Variants in ST6GALNAC2 observed in about 807,000 individuals in gnomAD.
The protein encoded by ST6GALNAC2 is ST6 N-acetylgalactosaminide alpha-2,6-sialyltransferase 2.
A neutral mutation model predicts 38.7 loss-of-function variants in ST6GALNAC2; 42 were observed. That is an observed-to-expected ratio of 1.09 (90% CI 0.85 to 1.40). The LOEUF is 1.40. Among genes scored for constraint, ST6GALNAC2 ranks in the 40% most tolerant of loss-of-function variants. The pLI is 0.00. For missense variants in ST6GALNAC2, 506 were observed against 481.7 expected, an observed-to-expected ratio of 1.05 and a Z score of -0.47; for synonymous variants, 233 against 209.0, an observed-to-expected ratio of 1.11 and a Z score of -0.99.
Position 76,566,176 on chromosome 17 carries a change from G to C in ST6GALNAC2, c.1053C>G (p.His351Gln), listed in dbSNP as rs549538193. Residue 351 changes from histidine to glutamine, a missense_variant, in exon 9 of 9, where the codon CAC becomes CAG. Coordinates refer to ENST00000225276, the MANE Select transcript of ST6GALNAC2 (RefSeq NM_006456.3). ...ACAGGGCAGCTTCCAGGGACAGATC[G>C]TGGTTTGCATAAAATATCAATGGCT... The part of the protein sequence containing the change: ...KMKPLIFYAN[H>Q]DLSLEAALWR... 2 of 1,614,010 alleles carry C rather than the reference G, an allele frequency of 1.2e-6. No individual in the cohort carries two copies. The highest frequency in any genetic ancestry group is 1.3e-5 in the African/African-American group (1 of 74,930).
In ST6GALNAC2 at chr17:76,570,276, C is replaced by G. The variant is rs537518450; in HGVS notation, c.773+289G>C. 66 of 418,496 alleles carry G rather than the reference C, an allele frequency of 1.6e-4. No homozygotes were observed. The East Asian group carries it at 2.7e-3, about 17-fold the overall frequency. 25.9% of individuals were successfully genotyped at this position (418,496 alleles called of 1,614,324 possible). A position where few individuals can be genotyped will look rare whatever the true frequency, so the allele number is the denominator to read the frequency against. On this transcript the variant is annotated intron_variant, in intron 6 of 8. Coordinates refer to ENST00000225276, the MANE Select transcript of ST6GALNAC2 (RefSeq NM_006456.3). The stretch of plus-strand genomic sequence containing the variant: ...TGCAGCCCAAAGCCGAGAAGCCAGA[C>G]CTGCTCACCCCATTCAGAAGAGCTG...
chr17:76,578,879 G>A, intron 1 of ST6GALNAC2, 63 bp from the exon 2 acceptor site: 4 of 1,484,768 alleles, frequency 2.7e-6, no homozygotes, highest in Non-Finnish European at 3.7e-6. Flanking sequence ...GGAAGCTTTT[G>A]GACTGACCGA....
At chr17:76,583,953 G>T (rs567804524) in intron 1 of ST6GALNAC2, among the ~76,000 whole-genome samples, 123 of 147,758 alleles carry the variant, frequency 8.3e-4, no homozygotes, top group African/African-American at 2.9e-3. Flanking sequence ...GACTACAGGT[G>T]CCCGCCACCA....
At chr17:76,568,914 C>T (rs748870584) in intron 6 of ST6GALNAC2, 118 bp from the exon 7 acceptor site, 1 of 907,036 alleles carries the variant, frequency 1.1e-6, no homozygotes, top group Non-Finnish European at 1.8e-6. Context: ...AGGAGCGGGG[C>T]TGGGAGTAGT....
chr17:76,575,432 C>T (rs1016297991), intron 2 of ST6GALNAC2, among the ~76,000 whole-genome samples: 2 of 151,072 alleles, frequency 1.3e-5, no homozygotes, highest in Admixed American at 1.3e-4. Context: ...GAGGTCAGGC[C>T]CTAACTAGCA....
Position 76,573,094 on chromosome 17 carries a change from GC to G in ST6GALNAC2, c.530+100del, listed in dbSNP as rs1054084973. 3.0e-6 allele frequency: 4 copies of G among 1,313,726 alleles called. No individual in the cohort carries two copies. The Middle Eastern group carries it at 7.6e-4, about 250-fold the overall frequency. The allele number at this position is 1,313,726 out of a possible 1,614,324, so 81.4% of individuals were successfully genotyped here. A position where few individuals can be genotyped will look rare whatever the true frequency, so the allele number is the denominator to read the frequency against. On this transcript the variant is annotated intron_variant, in intron 4 of 8. Coordinates refer to ENST00000225276, the MANE Select transcript of ST6GALNAC2 (RefSeq NM_006456.3). The surrounding 1 kb of genome is among the most constrained non-coding windows in gnomAD (Gnocchi z 5.1). ...GTGTGCTGGTCACAACTGCTGAGCC[GC>G]CCAGGCCACTGCTGCCATAGCCCAC...
chr17:76,579,532 G>A (rs8070864), intron 1 of ST6GALNAC2, among the ~76,000 whole-genome samples: 17,954 of 152,198 alleles, frequency 0.12, 2,994 homozygotes, highest in African/African-American at 0.37. Context: ...TACAATCCTG[G>A]TTAAGGTTAT....
At chr17:76,572,441 G>A (rs1292702283) in intron 5 of ST6GALNAC2, among the ~76,000 whole-genome samples, 196 bp downstream of exon 5, 1 of 152,174 alleles carries the variant, frequency 6.6e-6, no homozygotes, top group East Asian at 1.9e-4. Context: ...GAGGAGTCCC[G>A]TGACGCCTGA....
chr17:76,568,276 A>T (rs2075308992), intron 7 of ST6GALNAC2: 2 of 196,100 alleles, frequency 1.0e-5, no homozygotes, highest in Admixed American at 1.1e-4. Flanking sequence ...CCAGACGAGG[A>T]CCATATGCAC....
rs111742528 is a variant in ST6GALNAC2, at chr17:76,570,452, C to T, written c.773+113G>A. 327 of 670,902 alleles carry T rather than the reference C, an allele frequency of 4.9e-4. No individual in the cohort carries two copies. In the African/African-American group the frequency reaches 6.1e-3, roughly 12 times the overall value. 41.6% of individuals were successfully genotyped at this position (670,902 alleles called of 1,614,324 possible). A position where few individuals can be genotyped will look rare whatever the true frequency, so the allele number is the denominator to read the frequency against. ...TGAATTCTTAGGGCTGTTCTTACTG[C>T]CCTTCACCCACCTCCTCTTACCCCA... On this transcript the variant is annotated intron_variant, in intron 6 of 8. Transcript: ENST00000225276.
At chr17:76,566,435 C>T (rs776018639) in intron 8 of ST6GALNAC2, among the ~76,000 whole-genome samples, 164 bp from the exon 9 acceptor site, 1 of 152,132 alleles carries the variant, frequency 6.6e-6, no homozygotes, top group African/African-American at 2.4e-5. Context: ...TCAGGGGTGA[C>T]TCACTGTGTC....
rs145509363 is a variant in ST6GALNAC2, at chr17:76,568,129, C to G, written c.858-577G>C. 4.0e-3 allele frequency: 650 copies of G among 160,644 alleles called. 11 individuals carry two copies. Among genetic ancestry groups the G allele is most frequent in the East Asian group, 0.021 (114 of 5,528 alleles). 10.0% of individuals were successfully genotyped at this position (160,644 alleles called of 1,614,324 possible). Reference sequence around the variant, plus strand: ...TCCAACTGCTCCCTGCCCTGGGATTCGAGCCTCTGGTCCACAGCAGGGTTT... The same window carrying G: ...TCCAACTGCTCCCTGCCCTGGGATTGGAGCCTCTGGTCCACAGCAGGGTTT... On this transcript the variant is annotated intron_variant, in intron 7 of 8. Coordinates refer to ENST00000225276, the MANE Select transcript of ST6GALNAC2 (RefSeq NM_006456.3).
intron 2 of ST6GALNAC2, among the ~76,000 whole-genome samples, chr17:76,576,338 G>A (rs912221821): frequency 3.9e-5 from 6 of 152,196 alleles, no homozygotes; most frequent in Non-Finnish European, 5.9e-5. Flanking sequence ...TCAGGAATGC[G>A]TAAAACCAAA....
intron 6 of ST6GALNAC2, chr17:76,570,265 G>A (rs1177037528): frequency 3.5e-5 from 13 of 367,316 alleles, no homozygotes; most frequent in South Asian, 1.8e-4. Context: ...GCCCAAAGCC[G>A]AGAAGCCAGA....
Position 76,573,159 on chromosome 17 carries a change from T to TCCCCCC in ST6GALNAC2, c.530+35_530+36insGGGGGG. ...GACACCCCCACCCTCCAGGCAACTC[T>TCCCCCC]CCCTCCCGCCCCTCCCCAGCTCCTA... On this transcript the variant is annotated intron_variant, in intron 4 of 8. Transcript: ENST00000225276. The surrounding 1 kb of genome is among the most constrained non-coding windows in gnomAD (Gnocchi z 5.1). 6.5e-7 allele frequency: 1 copy of TCCCCCC among 1,530,324 alleles called. No individual in the cohort carries two copies. The highest frequency in any genetic ancestry group is 8.9e-7 in the Non-Finnish European group (1 of 1,120,832). 94.8% of individuals were successfully genotyped at this position (1,530,324 alleles called of 1,614,324 possible). A position where few individuals can be genotyped will look rare whatever the true frequency, so the allele number is the denominator to read the frequency against.
chr17:76,580,362 G>A (rs921779644), intron 1 of ST6GALNAC2, among the ~76,000 whole-genome samples: 10 of 152,034 alleles, frequency 6.6e-5, no homozygotes, highest in Non-Finnish European at 1.2e-4. Flanking sequence ...AGGTTGTGGT[G>A]AGCTGAGATC....
intron 1 of ST6GALNAC2, among the ~76,000 whole-genome samples, chr17:76,584,342 T>C (rs759117401): frequency 3.3e-5 from 5 of 152,038 alleles, no homozygotes; most frequent in Non-Finnish European, 5.9e-5. Context: ...AGCACAGGCA[T>C]GCACCACCAT....
Position 76,575,529 on chromosome 17 carries a change from A to G in ST6GALNAC2, c.187-990T>C, listed in dbSNP as rs547273982. 1.1e-3 allele frequency among the ~76,000 whole-genome samples: 163 copies of G among 152,292 alleles called. 1 individual carries two copies. Among genetic ancestry groups the G allele is most frequent in the African/African-American group, 3.8e-3 (158 of 41,582 alleles). On this transcript the variant is annotated intron_variant, in intron 2 of 8. Transcript: ENST00000225276. ...GAGCAGTGGAGCCGCCAGAGCTGGG[A>G]AAAGGCAGGGGAGGCTTTCTTCGAG... is the stretch of plus-strand genomic sequence containing the variant.
chr17:76,568,621 T>TG, intron 7 of ST6GALNAC2, 92 bp downstream of exon 7: 1 of 1,234,840 alleles, frequency 8.1e-7, no homozygotes, highest in Non-Finnish European at 1.2e-6. Flanking sequence ...GGTCAGTGCG[T>TG]GGGGCTCGTG....
Sources: gnomAD v4.1 joint callset for allele counts (sites outside exome capture counted in the v4.1 genomes callset) on GRCh38, gnomAD v4.1.1 for gene constraint, Gnocchi (gnomAD v3.1) non-coding constraint, MANE v1.5 for transcripts, NCBI Gene and HGNC (gene_info 2026-07-23, HGNC 2026-07-21) for gene names.